GALNT10: variants seen among roughly 807,000 people sequenced by gnomAD.
The protein encoded by GALNT10 is polypeptide N-acetylgalactosaminyltransferase 10.
GALNT10 carries 41 observed loss-of-function variants against 75.0 expected under a neutral mutation model. The observed-to-expected ratio is 0.55, with a 90% CI of 0.43 to 0.71. GALNT10 has a LOEUF of 0.71. Among genes scored for constraint, GALNT10 ranks in the 30% least tolerant of loss-of-function variants. GALNT10 has a pLI of 0.00. For missense variants in GALNT10, 727 were observed against 818.5 expected (o/e 0.89, Z 1.36); for synonymous variants, 302 against 313.0 (o/e 0.96, Z 0.37).
intron 3 of GALNT10, among the ~76,000 whole-genome samples, chr5:154,302,170 A>G (rs528673133): frequency 1.3e-5 from 2 of 152,386 alleles, no homozygotes; most frequent in East Asian, 1.9e-4. Context: ...CTTCTCCAGC[A>G]GGAGCTGAGG....
At chr5:154,263,670 C>T (rs780856059) in intron 1 of GALNT10, among the ~76,000 whole-genome samples, 21 of 152,146 alleles carry the variant, frequency 1.4e-4, no homozygotes, top group Non-Finnish European at 2.1e-4. Flanking sequence ...CTTTCTAGTT[C>T]GTAGACGGTG....
At chr5:154,314,081 G>A (rs1754564313) in intron 3 of GALNT10, among the ~76,000 whole-genome samples, 1 of 152,112 alleles carries the variant, frequency 6.6e-6, no homozygotes, top group South Asian at 2.1e-4. Flanking sequence ...CCTATACCGT[G>A]GCCTCTGTAA....
intron 10 of GALNT10, among the ~76,000 whole-genome samples, chr5:154,415,242 C>T (rs762781189): frequency 2.0e-5 from 3 of 152,166 alleles, no homozygotes; most frequent in Non-Finnish European, 4.4e-5. Flanking sequence ...AGTGTTTATA[C>T]CTGACATGAT....
chr5:154,287,946 A>ATG (rs746989563), intron 1 of GALNT10, among the ~76,000 whole-genome samples: 120 of 96,548 alleles, frequency 1.2e-3, no homozygotes, highest in Admixed American at 3.1e-3. Flanking sequence ...ATGTGTGTGC[A>ATG]TGTGTGTGTG....
intron 5 of GALNT10, among the ~76,000 whole-genome samples, chr5:154,378,317 T>TATCATC (rs111591729): frequency 0.31 from 46,875 of 150,838 alleles, 7,531 homozygotes; most frequent in East Asian, 0.52. Flanking sequence ...TTTCCTTTTT[T>TATCATC]ATCATCATCA....
At chr5:154,260,334 C>G (rs2434528) in intron 1 of GALNT10, among the ~76,000 whole-genome samples, 37,175 of 152,016 alleles carry the variant, frequency 0.24, 5,527 homozygotes, top group African/African-American at 0.42. Flanking sequence ...TCCATAATTA[C>G]ATTATTATTC....
intron 1 of GALNT10, among the ~76,000 whole-genome samples, chr5:154,224,759 G>C (rs1255237440): frequency 6.7e-6 from 1 of 148,832 alleles, no homozygotes; most frequent in Non-Finnish European, 1.5e-5. Context: ...CACAGTCTCT[G>C]TCTACAAGAA....
In GALNT10 at chr5:154,190,949, G is replaced by T; in HGVS notation, c.83G>T (p.Trp28Leu). 6.6e-7 allele frequency: 1 copy of T among 1,511,418 alleles called. No individual in the cohort carries two copies. Among genetic ancestry groups the T allele is most frequent in the Non-Finnish European group, 8.8e-7 (1 of 1,132,418 alleles). The allele number at this position is 1,511,418 out of a possible 1,614,324, so 93.6% of individuals were successfully genotyped here. A position where few individuals can be genotyped will look rare whatever the true frequency, so the allele number is the denominator to read the frequency against. ...GTCCTCCTGCCCAACGTGGGGCTTTGGGCGCTGTACCGCGAGCGGCAGCCC... is the reference window on the plus strand; with the variant it reads ...GTCCTCCTGCCCAACGTGGGGCTTTTGGCGCTGTACCGCGAGCGGCAGCCC... Reference protein sequence around the residue: ...ALVLLPNVGLWALYRERQPDG... With the variant: ...ALVLLPNVGLLALYRERQPDG... Residue 28 changes from tryptophan (W) to leucine (L), a missense_variant, in exon 1 of 12, where the codon TGG becomes TTG. Coordinates refer to ENST00000297107, the MANE Select transcript of GALNT10 (RefSeq NM_198321.4).
intron 3 of GALNT10, among the ~76,000 whole-genome samples, chr5:154,301,949 G>C: frequency 6.6e-6 from 1 of 152,160 alleles, no homozygotes; most frequent in South Asian, 2.1e-4. Flanking sequence ...AACTGCAAAA[G>C]ATGTCACTAC....
intron 1 of GALNT10, among the ~76,000 whole-genome samples, chr5:154,278,124 T>G (rs1224984382): frequency 6.6e-6 from 1 of 152,258 alleles, no homozygotes; most frequent in African/African-American, 2.4e-5. Flanking sequence ...ACATAAACTT[T>G]ATTTCCCTCC....
At chr5:154,379,843 A>G (rs1755707035) in intron 5 of GALNT10, among the ~76,000 whole-genome samples, 1 of 152,190 alleles carries the variant, frequency 6.6e-6, no homozygotes, top group South Asian at 2.1e-4. Flanking sequence ...TTCCTGGGGC[A>G]GTTCATTCCC....
At chr5:154,199,582 C>T (rs757243464) in intron 1 of GALNT10, among the ~76,000 whole-genome samples, 37 of 152,244 alleles carry the variant, frequency 2.4e-4, no homozygotes, top group African/African-American at 8.4e-4. Flanking sequence ...TTGGCTGGGG[C>T]GGTAGAGCTT....
At chr5:154,300,936 G>A (rs1754347820) in intron 3 of GALNT10, among the ~76,000 whole-genome samples, 1 of 152,218 alleles carries the variant, frequency 6.6e-6, no homozygotes, top group Admixed American at 6.5e-5. Flanking sequence ...ATGAGCAAGA[G>A]CATTGTGGGT....
chr5:154,371,537 A>AGTGTGT (rs757305979), intron 4 of GALNT10, among the ~76,000 whole-genome samples: 89 of 70,920 alleles, frequency 1.3e-3, no homozygotes, highest in Non-Finnish European at 2.6e-3. Context: ...GACACACCAC[A>AGTGTGT]GTGTGTGTGT....
At chr5:154,247,773 C>T (rs1581937472) in intron 1 of GALNT10, among the ~76,000 whole-genome samples, 1 of 152,212 alleles carries the variant, frequency 6.6e-6, no homozygotes, top group East Asian at 1.9e-4. Flanking sequence ...GACAATTTGA[C>T]TTCCTCTTTT....
At chr5:154,283,803 G>A (rs1000315825) in intron 1 of GALNT10, among the ~76,000 whole-genome samples, 4 of 152,192 alleles carry the variant, frequency 2.6e-5, no homozygotes, top group Non-Finnish European at 4.4e-5. Context: ...AGCCAAGATT[G>A]TGGAAATCAA....
intron 1 of GALNT10, among the ~76,000 whole-genome samples, chr5:154,284,190 C>G (rs1303358790): frequency 6.6e-6 from 1 of 152,144 alleles, no homozygotes; most frequent in Non-Finnish European, 1.5e-5. Flanking sequence ...AACCTTTATG[C>G]TAGGTACTAT....
At chr5:154,253,419 C>T (rs1753559152) in intron 1 of GALNT10, among the ~76,000 whole-genome samples, 1 of 150,856 alleles carries the variant, frequency 6.6e-6, no homozygotes, top group Non-Finnish European at 1.5e-5. Flanking sequence ...GAAGGGATAG[C>T]ATTAGGAGAT....
At chr5:154,255,186 C>T (rs112634785) in intron 1 of GALNT10, among the ~76,000 whole-genome samples, 61 of 152,170 alleles carry the variant, frequency 4.0e-4, no homozygotes, top group African/African-American at 1.4e-3. Flanking sequence ...GAACAGACTC[C>T]CTCAATTGGC....
Sources: allele counts gnomAD v4.1 joint callset (sites outside exome capture counted in the v4.1 genomes callset), GRCh38; gene constraint gnomAD v4.1.1; transcripts MANE v1.5; gene names NCBI Gene and HGNC (gene_info 2026-07-23, HGNC 2026-07-21).